The following CNTNAP2 variants were observed in gnomAD, a reference collection of about 807,000 sequenced individuals.
CNTNAP2 encodes the protein contactin-associated protein-like 2.
Under a neutral mutation model 155.2 loss-of-function variants are expected in CNTNAP2, and 98 were observed. The observed-to-expected ratio is 0.63, with a 90% CI of 0.54 to 0.75. The LOEUF (loss-of-function observed/expected upper bound fraction) is 0.75, where lower values mean the gene tolerates loss of function less well. Ranked by LOEUF, CNTNAP2 falls within the 30% of genes least tolerant of loss-of-function variation. The probability of loss-of-function intolerance (pLI) is 0.00; values close to 1 mark genes in which losing one functional copy is unlikely to be tolerated. For missense variants in CNTNAP2, 1,727 were observed against 1,688.1 expected, an observed-to-expected ratio of 1.02 and a Z score of -0.40; for synonymous variants, 651 against 631.2, an observed-to-expected ratio of 1.03 and a Z score of -0.47.
intron 20 of CNTNAP2, among the ~76,000 whole-genome samples, chr7:148,252,273 G>C (rs1422112349): frequency 6.6e-6 from 1 of 152,092 alleles, no homozygotes; most frequent in Non-Finnish European, 1.5e-5. Flanking sequence ...GAGATCCTGG[G>C]GTCTCTCCAG....
At chr7:147,779,636 T>C (rs1237602299) in intron 13 of CNTNAP2, among the ~76,000 whole-genome samples, 1 of 152,176 alleles carries the variant, frequency 6.6e-6, no homozygotes, top group Non-Finnish European at 1.5e-5. Context: ...GAATCAGGAC[T>C]CCAAGCCATG....
At chr7:146,706,879 T>C (rs1255708782) in intron 1 of CNTNAP2, among the ~76,000 whole-genome samples, 1 of 147,798 alleles carries the variant, frequency 6.8e-6, no homozygotes, top group African/African-American at 2.5e-5. Flanking sequence ...AGTTTACCTA[T>C]GTAAAAAACC....
intron 8 of CNTNAP2, among the ~76,000 whole-genome samples, chr7:147,222,418 A>G (rs1025255523): frequency 3.3e-5 from 5 of 152,108 alleles, no homozygotes; most frequent in Non-Finnish European, 5.9e-5. Context: ...TTTTAGCTCT[A>G]GCATTTCTCT....
Position 146,169,598 on chromosome 7 carries a change from T to G in CNTNAP2, c.97+52625T>G, listed in dbSNP as rs151251763. Among the ~76,000 whole-genome samples, 798 of 152,228 alleles carry G rather than the reference T, an allele frequency of 5.2e-3. 6 individuals carry two copies. The highest frequency in any genetic ancestry group is 0.018 in the African/African-American group (755 of 41,540). On this transcript the variant is annotated intron_variant, in intron 1 of 23. Coordinates refer to ENST00000361727, the MANE Select transcript of CNTNAP2 (RefSeq NM_014141.6). ...TGTTGTACATTTGATTCTCAGAACT[T>G]ATTCATCTTAAAACATTTCTCCATT...
intron 15 of CNTNAP2, among the ~76,000 whole-genome samples, chr7:148,033,289 T>A (rs1246745741): frequency 6.6e-6 from 1 of 152,042 alleles, no homozygotes; most frequent in African/African-American, 2.4e-5. Context: ...CCTGAAGACT[T>A]CCTCCTACTC....
intron 2 of CNTNAP2, among the ~76,000 whole-genome samples, chr7:146,809,856 A>G (rs935498050): frequency 2.6e-5 from 4 of 152,118 alleles, no homozygotes; most frequent in African/African-American, 9.7e-5. Context: ...AGTTTGATAC[A>G]GTCCCACTTG....
intron 1 of CNTNAP2, among the ~76,000 whole-genome samples, chr7:146,618,488 A>T (rs1799264131): frequency 6.6e-6 from 1 of 152,174 alleles, no homozygotes; most frequent in Admixed American, 6.5e-5. Flanking sequence ...AGAGAGGAAT[A>T]TTGCCATAAT....
chr7:147,977,893 G>T lies in CNTNAP2; in HGVS notation c.2287G>T (p.Asp763Tyr), dbSNP rs1801457939. The change falls in exon 15 of 24, where the codon GAT (aspartate) becomes TAT (tyrosine). Residue 763 changes from aspartate to tyrosine, a missense_variant. Physicochemically the swap from Asp to Tyr is radical, Grantham distance 160. Transcript: ENST00000361727. The part of the protein sequence containing the change: ...RKDAGFLSYK[D>Y]HLPVSQVVVG... ...GGATGCTGGTTTCTTATCATACAAA[G>T]ATCACCTGCCAGTGAGCCAAGTGGT... 6.2e-7 allele frequency: 1 copy of T among 1,613,972 alleles called. No individual in the cohort carries two copies. The highest frequency in any genetic ancestry group is 1.3e-5 in the African/African-American group (1 of 74,906).
chr7:146,390,640 T>C (rs904016356), intron 1 of CNTNAP2, among the ~76,000 whole-genome samples: 4 of 147,074 alleles, frequency 2.7e-5, no homozygotes, highest in African/African-American at 9.9e-5. Flanking sequence ...TAAAAATATA[T>C]ATATTTTTTC....
chr7:146,267,689 T>C (rs1441079152), intron 1 of CNTNAP2, among the ~76,000 whole-genome samples: 5 of 152,180 alleles, frequency 3.3e-5, no homozygotes. Context: ...ACTGAATCTG[T>C]GGATGCCTTG....
chr7:147,980,514 T>A (rs1038190534), intron 15 of CNTNAP2, among the ~76,000 whole-genome samples: 45 of 152,178 alleles, frequency 3.0e-4, no homozygotes, highest in Non-Finnish European at 1.5e-5. Context: ...AATACTTTTG[T>A]GTCTGTGTGA....
At chr7:147,466,340 A>G (rs12673403) in intron 10 of CNTNAP2, among the ~76,000 whole-genome samples, 22,208 of 152,140 alleles carry the variant, frequency 0.15, 1,822 homozygotes, top group East Asian at 0.32. Flanking sequence ...CAATATATCA[A>G]TTGTATATTG....
At chr7:147,583,505 T>C (rs1311031972) in intron 12 of CNTNAP2, among the ~76,000 whole-genome samples, 2 of 48,170 alleles carry the variant, frequency 4.2e-5, no homozygotes, top group African/African-American at 1.5e-4. Flanking sequence ...AGACATGACA[T>C]ATATATATAT....
intron 11 of CNTNAP2, among the ~76,000 whole-genome samples, chr7:147,538,716 G>A (rs924429594): frequency 6.6e-6 from 1 of 152,002 alleles, no homozygotes; most frequent in South Asian, 2.1e-4. Flanking sequence ...GTTTCCCAGG[G>A]AACACAATAA....
intron 2 of CNTNAP2, among the ~76,000 whole-genome samples, chr7:146,780,334 C>T (rs942496101): frequency 1.3e-5 from 2 of 151,932 alleles, no homozygotes; most frequent in African/African-American, 4.8e-5. Flanking sequence ...TGCAGGCGCC[C>T]GCCACCATGC....
At chr7:146,785,189 G>C (rs1349389389) in intron 2 of CNTNAP2, among the ~76,000 whole-genome samples, 1 of 151,778 alleles carries the variant, frequency 6.6e-6, no homozygotes, top group African/African-American at 2.4e-5. Flanking sequence ...TGTCAGGCTG[G>C]TCTCGAACTC....
intron 12 of CNTNAP2, among the ~76,000 whole-genome samples, chr7:147,587,630 C>G (rs755249967): frequency 2.7e-4 from 41 of 152,242 alleles, no homozygotes; most frequent in Middle Eastern, 3.4e-3. Context: ...TATCCAAAAG[C>G]AACAGCAAAG....
chr7:147,977,400 A>G (rs1442140403), intron 14 of CNTNAP2, among the ~76,000 whole-genome samples: 5 of 152,240 alleles, frequency 3.3e-5, no homozygotes, highest in Non-Finnish European at 7.3e-5. Context: ...AGAGGAAGGA[A>G]CAAAAGGTGT....
intron 1 of CNTNAP2, among the ~76,000 whole-genome samples, chr7:146,201,954 C>A (rs947202971): frequency 7.0e-5 from 10 of 141,928 alleles, no homozygotes; most frequent in Admixed American, 3.4e-4. Flanking sequence ...CAACAAAAAA[C>A]CAAATCAAAT....
Sources: gnomAD v4.1 joint callset for allele counts (sites outside exome capture counted in the v4.1 genomes callset) on GRCh38, gnomAD v4.1.1 for gene constraint, MANE v1.5 for transcripts, NCBI Gene and HGNC (gene_info 2026-07-23, HGNC 2026-07-21) for gene names.